The following SPAG16 variants were observed in gnomAD, a reference collection of about 807,000 sequenced individuals.
The protein encoded by SPAG16 is sperm associated antigen 16.
Under a neutral mutation model 80.4 loss-of-function variants are expected in SPAG16, and 86 were observed. That is an observed-to-expected ratio of 1.07 (90% CI 0.90 to 1.28). The LOEUF (loss-of-function observed/expected upper bound fraction) is 1.28, where lower values mean the gene tolerates loss of function less well. Among genes scored for constraint, SPAG16 ranks in the 50% most tolerant of loss-of-function variants. SPAG16 has a pLI of 0.00. For missense variants in SPAG16, 870 were observed against 765.3 expected (o/e 1.14, Z -1.61); for synonymous variants, 294 against 265.9 (o/e 1.11, Z -1.03).
chr2:214,342,683 A>G (rs1462542300), intron 15 of SPAG16, among the ~76,000 whole-genome samples: 4 of 152,172 alleles, frequency 2.6e-5, no homozygotes, highest in African/African-American at 9.7e-5. Context: ...ATGTGCTTGA[A>G]TCATCCCAAA....
chr2:213,286,702 T>C (rs1355901809), intron 1 of SPAG16, among the ~76,000 whole-genome samples: 1 of 152,240 alleles, frequency 6.6e-6, no homozygotes, highest in African/African-American at 2.4e-5. Flanking sequence ...GGCCTGGATT[T>C]CCCTTATTTA....
At chr2:214,308,697 G>A (rs1175013938) in intron 15 of SPAG16, among the ~76,000 whole-genome samples, 2 of 152,004 alleles carry the variant, frequency 1.3e-5, no homozygotes, top group African/African-American at 4.8e-5. Context: ...TTTTTTTTAA[G>A]AATGTTGAAT....
At chr2:213,766,521 G>A (rs958137286) in intron 10 of SPAG16, among the ~76,000 whole-genome samples, 7 of 152,182 alleles carry the variant, frequency 4.6e-5, no homozygotes, top group Non-Finnish European at 8.8e-5. Flanking sequence ...GCCACAAGTC[G>A]AAAATGAAAG....
intron 12 of SPAG16, among the ~76,000 whole-genome samples, chr2:213,994,525 G>A (rs908884686): frequency 2.2e-4 from 33 of 150,136 alleles, no homozygotes; most frequent in African/African-American, 8.1e-4. Flanking sequence ...GTGTCTTACA[G>A]TTCAGTTATT....
chr2:213,343,011 A>T (rs2064780617), intron 6 of SPAG16, among the ~76,000 whole-genome samples: 1 of 152,076 alleles, frequency 6.6e-6, no homozygotes, highest in Non-Finnish European at 1.5e-5. Context: ...AGCATGGTGT[A>T]CACAGAAGGA....
chr2:214,014,336 G>A (rs577967738), intron 13 of SPAG16, among the ~76,000 whole-genome samples: 50 of 152,128 alleles, frequency 3.3e-4, no homozygotes, highest in Non-Finnish European at 6.5e-4. Context: ...AAGCTCTGCT[G>A]GTTCATGGGA....
chr2:213,664,670 A>G (rs2063539383), intron 10 of SPAG16, among the ~76,000 whole-genome samples: 1 of 152,024 alleles, frequency 6.6e-6, no homozygotes, highest in African/African-American at 2.4e-5. Flanking sequence ...TTAACTCACT[A>G]TACTCAAGGA....
intron 10 of SPAG16, among the ~76,000 whole-genome samples, chr2:213,703,112 T>G (rs2065568766): frequency 6.6e-6 from 1 of 152,172 alleles, no homozygotes. Context: ...TTCCCTCTCC[T>G]GTGATAATAG....
chr2:213,303,830 G>A (rs1426695581), intron 3 of SPAG16, among the ~76,000 whole-genome samples: 3 of 152,110 alleles, frequency 2.0e-5, no homozygotes, highest in Non-Finnish European at 4.4e-5. Context: ...GAATAGTGCT[G>A]AGATAAACAC....
chr2:213,546,202 T>C (rs2125928979), intron 10 of SPAG16, among the ~76,000 whole-genome samples: 1 of 152,256 alleles, frequency 6.6e-6, no homozygotes, highest in East Asian at 1.9e-4. Flanking sequence ...AAATCCTCTT[T>C]TGTATCCCTC....
At chr2:213,365,045 A>G (rs1177042524) in intron 8 of SPAG16, 2 of 152,212 alleles carry the variant, frequency 1.3e-5, no homozygotes, top group African/African-American at 2.4e-5. Flanking sequence ...CCATGGATCC[A>G]CCCTAACGAA....
intron 10 of SPAG16, among the ~76,000 whole-genome samples, chr2:213,539,860 A>C (rs2125912461): frequency 6.6e-6 from 1 of 152,260 alleles, no homozygotes; most frequent in East Asian, 1.9e-4. Context: ...AGAAATCTAA[A>C]TACTAAGTTT....
chr2:213,860,436 T>TC (rs200245977), intron 10 of SPAG16, among the ~76,000 whole-genome samples: 39,081 of 134,162 alleles, frequency 0.29, 6,444 homozygotes, highest in South Asian at 0.42. Context: ...TATCTATATA[T>TC]TTATAGATAT....
intron 15 of SPAG16, among the ~76,000 whole-genome samples, chr2:214,323,148 G>C (rs933261517): frequency 3.3e-5 from 5 of 152,010 alleles, no homozygotes; most frequent in African/African-American, 9.7e-5. Context: ...TGCGTATTTA[G>C]TATTTGTCCT....
Position 214,028,769 on chromosome 2 carries a change from A to G in SPAG16, c.1527+14692A>G, listed in dbSNP as rs374541255. 4.7e-4 allele frequency among the ~76,000 whole-genome samples: 72 copies of G among 152,062 alleles called. No individual in the cohort carries two copies. In the South Asian group the frequency reaches 6.8e-3, roughly 14 times the overall value. ...AATCATTTTTGTTAAAAATGTATGT[A>G]TGTGTGTATATATTTGTGTGTGTGT... On this transcript the variant is annotated intron_variant, in intron 13 of 15. Coordinates refer to ENST00000331683, the MANE Select transcript of SPAG16 (RefSeq NM_024532.5).
intron 15 of SPAG16, among the ~76,000 whole-genome samples, chr2:214,315,753 A>T (rs1409032880): frequency 6.6e-6 from 1 of 152,020 alleles, no homozygotes; most frequent in Non-Finnish European, 1.5e-5. Context: ...GCTAGTCTCA[A>T]ACTCCTAGAC....
chr2:214,265,668 G>A (rs568213487), intron 15 of SPAG16, among the ~76,000 whole-genome samples: 31 of 151,894 alleles, frequency 2.0e-4, no homozygotes, highest in East Asian at 7.7e-4. Context: ...CTAAAAAGTC[G>A]TCACCAAACC....
chr2:213,559,395 A>G (rs770802401), intron 10 of SPAG16, among the ~76,000 whole-genome samples: 1 of 152,154 alleles, frequency 6.6e-6, no homozygotes, highest in Non-Finnish European at 1.5e-5. Flanking sequence ...GGTAATTGCA[A>G]TCATTTTTAA....
chr2:214,128,046 T>G lies in SPAG16; in HGVS notation c.1593+19785T>G, dbSNP rs543553847. ...AAAGCACTTAAATGTCCTTTAATTCTCAAGTTGAATCACCCATCATCATGG... is the reference window on the plus strand; with the variant it reads ...AAAGCACTTAAATGTCCTTTAATTCGCAAGTTGAATCACCCATCATCATGG... On this transcript the variant is annotated intron_variant, in intron 14 of 15. Coordinates refer to ENST00000331683, the MANE Select transcript of SPAG16 (RefSeq NM_024532.5). Among the ~76,000 whole-genome samples the G allele has an allele frequency of 3.3e-5, 5 of 151,992 alleles. No individual in the cohort carries two copies. The East Asian group carries it at 9.6e-4, about 29-fold the overall frequency.
Sources: allele counts gnomAD v4.1 joint callset (sites outside exome capture counted in the v4.1 genomes callset), GRCh38; gene constraint gnomAD v4.1.1; transcripts MANE v1.5; gene names NCBI Gene and HGNC (gene_info 2026-07-23, HGNC 2026-07-21).